DDX3X: variants seen among roughly 807,000 people sequenced by gnomAD.
DDX3X encodes ATP-dependent RNA helicase DDX3X.
A neutral mutation model predicts 52.7 loss-of-function variants in DDX3X; 4 were observed. The observed-to-expected ratio is 0.08, with a 90% confidence interval of 0.04 to 0.17. The LOEUF is 0.17. DDX3X is among the 10% of genes least tolerant of loss of function. The probability of loss-of-function intolerance (pLI) is 1.00; values close to 1 mark genes in which losing one functional copy is unlikely to be tolerated. For missense variants in DDX3X, 222 were observed against 548.6 expected (o/e 0.40, Z 5.95); for synonymous variants, 192 against 178.1 (o/e 1.08, Z -0.62).
intron 12 of DDX3X, chrX:41,345,749 A>G (rs2063915087): frequency 4.2e-5 from 17 of 401,154 alleles, no homozygotes; most frequent in Non-Finnish European, 6.4e-5. Flanking sequence ...TACCATGTTG[A>G]TGCCAAACTT....
intron 5 of DDX3X, among the ~76,000 whole-genome samples, chrX:41,361,780 A>G (rs2064030785): frequency 9.0e-6 from 1 of 111,316 alleles, no homozygotes; most frequent in Non-Finnish European, 1.9e-5. Flanking sequence ...CTACTTAAGT[A>G]TTTTCATAGA....
intron 5 of DDX3X, among the ~76,000 whole-genome samples, chrX:41,359,299 G>A (rs2064019928): frequency 8.9e-6 from 1 of 111,765 alleles, no homozygotes; most frequent in Admixed American, 9.6e-5. Flanking sequence ...TCATTTTCTT[G>A]CATGGACATC....
At chrX:41,352,302 A>G (rs750986184), downstream of DDX3X, among the ~76,000 whole-genome samples, 1 of 111,730 alleles carries the variant, frequency 9.0e-6, no homozygotes, top group African/African-American at 3.2e-5. Flanking sequence ...AGCAGATACA[A>G]TCATGGTTTA....
Position 41,346,594 on chromosome X carries a change from T to C in DDX3X, c.1587T>C (p.Ile529=), listed in dbSNP as rs754967460. ...PSDIEEYVHR[I]GRTGRVGNLG... ...ATATTGAAGAATATGTACATCGTAT[T>C]GGTCGTACGGGACGTGTAGGAAACC... is the stretch of plus-strand genomic sequence containing the variant. Residue 529 remains isoleucine (I), a synonymous_variant, in exon 14 of 17, where the codon ATT becomes ATC. Transcript: ENST00000644876. 8.3e-7 allele frequency: 1 copy of C among 1,204,261 alleles called. No homozygotes were observed. Among genetic ancestry groups the C allele is most frequent in the Admixed American group, 2.2e-5 (1 of 45,390 alleles).
intron 10 of DDX3X, 21 bp downstream of exon 10, chrX:41,344,420 GTT>G (rs200111332): frequency 1.7e-6 from 2 of 1,202,188 alleles, no homozygotes; most frequent in South Asian, 3.6e-5. Flanking sequence ...TTTTGTTTTT[GTT>G]TTTTTGTTTT....
At position 41,346,377 on chromosome X, in the gene DDX3X, C is replaced by A. The variant is rs781061980; in HGVS notation, c.1464C>A (p.Arg488=). The stretch of plus-strand genomic sequence containing the variant: ...GAGAAGAGGCCCTTCACCAGTTCCG[C>A]TCAGGAAAAAGCCCAATTTTAGTGG... The part of the protein sequence containing the change: ...RDREEALHQF[R]SGKSPILVAT... The change falls in exon 13 of 17, where the codon CGC becomes CGA. Residue 488 remains arginine (R), a synonymous_variant. Transcript: ENST00000644876. 2 of 1,210,737 alleles carry A rather than the reference C, an allele frequency of 1.7e-6. No individual in the cohort carries two copies. Among genetic ancestry groups the A allele is most frequent in the Non-Finnish European group, 2.2e-6 (2 of 895,275 alleles).
chrX:41,361,544 C>T (rs1481138951), intron 5 of DDX3X, among the ~76,000 whole-genome samples: 1 of 110,688 alleles, frequency 9.0e-6, no homozygotes, highest in Non-Finnish European at 1.9e-5. Flanking sequence ...TCACAGTCAC[C>T]TATTCTTTGT....
At chrX:41,334,336 A>G in intron 1 of DDX3X, 39 bp downstream of exon 1, 1 of 1,200,776 alleles carries the variant, frequency 8.3e-7, no homozygotes, top group Non-Finnish European at 1.1e-6. Flanking sequence ...CTGCTGCGTG[A>G]ATTCCTCCCC....
intron 16 of DDX3X, 39 bp downstream of exon 16, chrX:41,347,490 T>G (rs1310713549): frequency 8.4e-7 from 1 of 1,194,634 alleles, no homozygotes; most frequent in South Asian, 1.8e-5. Context: ...TGGGAAGGGT[T>G]TTTTTCCTTT....
intron 5 of DDX3X, among the ~76,000 whole-genome samples, chrX:41,361,965 G>A (rs1277229836): frequency 1.8e-5 from 2 of 110,586 alleles, no homozygotes; most frequent in East Asian, 5.6e-4. Context: ...GGTCAAAGCT[G>A]GGAAGTCATT....
intron 3 of DDX3X, chrX:41,340,554 C>G (rs1458393972): frequency 1.6e-5 from 4 of 243,837 alleles, no homozygotes; most frequent in Non-Finnish European, 2.9e-5. Context: ...TTGTCATCCC[C>G]TTACCTGGAT....
At chrX:41,347,474 T>C (rs2063941943) in intron 16 of DDX3X, 23 bp downstream of exon 16, 2 of 1,201,234 alleles carry the variant, frequency 1.7e-6, no homozygotes, top group Non-Finnish European at 2.2e-6. Flanking sequence ...TGTAACTTCA[T>C]AGCTTTGGGA....
chrX:41,356,530 C>T (rs1407373760), intron 5 of DDX3X, among the ~76,000 whole-genome samples: 2 of 99,818 alleles, frequency 2.0e-5, no homozygotes, highest in Non-Finnish European at 4.0e-5. Context: ...ACGATCTCGG[C>T]TCACTGCAAC....
chrX:41,334,376 A>C, intron 1 of DDX3X, 79 bp downstream of exon 1: 1 of 1,162,225 alleles, frequency 8.6e-7, no homozygotes, highest in Non-Finnish European at 1.2e-6. Context: ...GCGCAGCGCT[A>C]ACCGGCACCC....
chrX:41,338,307 C>CT (rs1433147538), intron 2 of DDX3X: 5 of 111,339 alleles, frequency 4.5e-5, no homozygotes, highest in Non-Finnish European at 9.4e-5. Flanking sequence ...TTGGTGTTTG[C>CT]TTTAACTTTC....
At chrX:41,354,049 A>G (rs2063999285), downstream of DDX3X, among the ~76,000 whole-genome samples, 1 of 111,510 alleles carries the variant, frequency 9.0e-6, no homozygotes, top group African/African-American at 3.3e-5. Flanking sequence ...CAGATTTTAT[A>G]CGGTTAAAAT....
intron 5 of DDX3X, among the ~76,000 whole-genome samples, chrX:41,362,817 G>C (rs947813629): frequency 9.0e-6 from 1 of 111,687 alleles, no homozygotes; most frequent in Non-Finnish European, 1.9e-5. Flanking sequence ...ATGAGGGACA[G>C]GTCAAGGACA....
intron 5 of DDX3X, among the ~76,000 whole-genome samples, chrX:41,361,099 G>GTT (rs750531694): frequency 9.9e-6 from 1 of 100,651 alleles, no homozygotes; most frequent in East Asian, 3.1e-4. Flanking sequence ...TTGCCGCTCT[G>GTT]TTTTTTTTTT....
chrX:41,336,975 T>C (rs1018812607), intron 1 of DDX3X, among the ~76,000 whole-genome samples: 1 of 112,211 alleles, frequency 8.9e-6, no homozygotes, highest in Non-Finnish European at 1.9e-5. Context: ...TATCAAGTAT[T>C]ACGGAAAGTT....
Sources: allele counts gnomAD v4.1 joint callset (sites outside exome capture counted in the v4.1 genomes callset), GRCh38; gene constraint gnomAD v4.1.1; transcripts MANE v1.5; gene names NCBI Gene and HGNC (gene_info 2026-07-23, HGNC 2026-07-21).